The following NUAK1 variants were observed in gnomAD, a reference collection of about 807,000 sequenced individuals.
NUAK1 encodes NUAK family SNF1-like kinase 1.
A neutral mutation model predicts 56.9 loss-of-function variants in NUAK1; 26 were observed. The ratio of observed to expected loss-of-function variants is 0.46; its 90% CI spans 0.33 to 0.63. The LOEUF is 0.63. Among genes scored for constraint, NUAK1 ranks in the 30% least tolerant of loss-of-function variants. NUAK1 has a pLI of 0.02. For missense variants in NUAK1, 727 were observed against 876.1 expected (o/e 0.83, Z 2.15); for synonymous variants, 337 against 336.0 (o/e 1.00, Z -0.03).
At chr12:106,108,141 A>G (rs545819267) in intron 1 of NUAK1, among the ~76,000 whole-genome samples, 2 of 152,176 alleles carry the variant, frequency 1.3e-5, no homozygotes, top group Non-Finnish European at 2.9e-5. Context: ...AATTGATGCA[A>G]GCTCAGACCA....
chr12:106,085,904 G>T (rs557942769), intron 3 of NUAK1, among the ~76,000 whole-genome samples: 2 of 151,974 alleles, frequency 1.3e-5, no homozygotes, highest in Non-Finnish European at 2.9e-5. Flanking sequence ...GATGGATCTT[G>T]CTATGTTGCC....
chr12:106,105,697 T>G (rs910407662), intron 2 of NUAK1: 2 of 152,352 alleles, frequency 1.3e-5, no homozygotes, highest in Middle Eastern at 3.4e-3. Context: ...AGAAATTATT[T>G]TTTAATTTTA....
intron 2 of NUAK1, among the ~76,000 whole-genome samples, chr12:106,090,181 C>T (rs1285012344): frequency 6.6e-6 from 1 of 152,166 alleles, no homozygotes; most frequent in Admixed American, 6.5e-5. Flanking sequence ...CTCATTCTCT[C>T]AGGCAGGGCC....
rs2032308685 is a variant in NUAK1 at position 106,064,096 on chromosome 12, G to C, written c.*2706C>G. Reference sequence around the variant, plus strand: ...CAGGAAAGCTGACAGTGAATCTCCTGCTTTGTCCATCAGGTCCTAAAAGTG... The same window carrying C: ...CAGGAAAGCTGACAGTGAATCTCCTCCTTTGTCCATCAGGTCCTAAAAGTG... On this transcript the variant is annotated 3_prime_UTR_variant, in exon 7 of 7. Transcript: ENST00000261402. The C allele has an allele frequency of 6.5e-6, 1 of 152,676 alleles. No homozygotes were observed. The highest frequency in any genetic ancestry group is 2.4e-5 in the African/African-American group (1 of 41,462). The allele number at this position is 152,676 out of a possible 1,614,324, so 9.5% of individuals were successfully genotyped here.
chr12:106,095,698 T>C (rs1019536715), intron 2 of NUAK1, among the ~76,000 whole-genome samples: 3 of 152,224 alleles, frequency 2.0e-5, no homozygotes, highest in African/African-American at 7.2e-5. Context: ...CACCCAAGGC[T>C]GCATTTGAGA....
chr12:106,067,108 G>T lies in NUAK1; in HGVS notation c.1680C>A (p.Gly560=), dbSNP rs1301274551. The T allele has an allele frequency of 1.2e-6, 2 of 1,614,234 alleles. No homozygotes were observed. The highest frequency in any genetic ancestry group is 1.1e-5 in the South Asian group (1 of 91,080). Residue 560 remains glycine (G), a synonymous_variant, in exon 7 of 7, where the codon GGC becomes GGA. Transcript: ENST00000261402. The surrounding 1 kb of genome is among the most constrained non-coding windows in gnomAD (Gnocchi z 6.0). ...SLSEPGVPAE[G]LSRSYSRPSS... Reference sequence around the variant, plus strand: ...AAGGGCGGCTGTAGCTCCGGGAGAGGCCCTCGGCAGGGACACCAGGCTCTG... The same window carrying T: ...AAGGGCGGCTGTAGCTCCGGGAGAGTCCCTCGGCAGGGACACCAGGCTCTG...
intron 1 of NUAK1, among the ~76,000 whole-genome samples, chr12:106,117,075 C>G (rs998810669): frequency 1.3e-5 from 2 of 152,214 alleles, no homozygotes; most frequent in Non-Finnish European, 2.9e-5. Context: ...CCTCCCTGCC[C>G]AGCCCCTCCC....
rs779503263 is a variant in NUAK1, at chr12:106,138,664, G to A, written c.-11C>T. ...GGCGGCCCCTTCCATGTCCAAGCGC[G>A]GGGCGAGCCGGGCTACAGAGGGCAA... On this transcript the variant is annotated 5_prime_UTR_variant, in exon 1 of 7. Transcript: ENST00000261402. The surrounding 1 kb of genome is among the most constrained non-coding windows in gnomAD (Gnocchi z 5.0). 1.3e-6 allele frequency: 2 copies of A among 1,508,362 alleles called. No individual in the cohort carries two copies. The highest frequency in any genetic ancestry group is 1.8e-6 in the Non-Finnish European group (2 of 1,138,392). 93.4% of individuals were successfully genotyped at this position (1,508,362 alleles called of 1,614,324 possible).
chr12:106,121,068 T>C (rs2032969074), intron 1 of NUAK1, among the ~76,000 whole-genome samples: 1 of 152,152 alleles, frequency 6.6e-6, no homozygotes, highest in Non-Finnish European at 1.5e-5. Context: ...TTTGAAAAGA[T>C]CCCAGGTGAT....
intron 2 of NUAK1, among the ~76,000 whole-genome samples, chr12:106,102,500 T>C (rs899674503): frequency 1.3e-5 from 2 of 152,214 alleles, no homozygotes; most frequent in Non-Finnish European, 2.9e-5. Context: ...TCCATTTAAA[T>C]ATCCACCTGT....
intron 2 of NUAK1, among the ~76,000 whole-genome samples, chr12:106,103,826 T>C (rs1457360567): frequency 1.3e-5 from 2 of 152,196 alleles, no homozygotes; most frequent in African/African-American, 4.8e-5. Context: ...GATGATTCTA[T>C]AAGGGGCTTT....
At chr12:106,070,728 A>C (rs2032396642) in intron 6 of NUAK1, 46 bp downstream of exon 6, 1 of 1,610,304 alleles carries the variant, frequency 6.2e-7, no homozygotes. Flanking sequence ...GGGTAAGCAG[A>C]TCTCTCTCCC....
intron 1 of NUAK1, among the ~76,000 whole-genome samples, chr12:106,127,384 A>C (rs2033034119): frequency 6.6e-6 from 1 of 152,054 alleles, no homozygotes; most frequent in South Asian, 2.1e-4. Context: ...GACCAGGCTG[A>C]TCTAGAGCTC....
intron 4 of NUAK1, among the ~76,000 whole-genome samples, chr12:106,075,236 T>C (rs1352365078): frequency 6.6e-6 from 1 of 151,332 alleles, no homozygotes; most frequent in Non-Finnish European, 1.5e-5. Flanking sequence ...TTAATAGAAA[T>C]CTAGATTAGC....
chr12:106,137,579 A>G (rs2033141438), intron 1 of NUAK1, among the ~76,000 whole-genome samples: 1 of 152,248 alleles, frequency 6.6e-6, no homozygotes, highest in Non-Finnish European at 1.5e-5. Flanking sequence ...GGGACAAGGC[A>G]GACAGACCCC....
intron 1 of NUAK1, among the ~76,000 whole-genome samples, chr12:106,110,136 T>C (rs1365350582): frequency 6.6e-6 from 1 of 152,114 alleles, no homozygotes; most frequent in East Asian, 1.9e-4. Flanking sequence ...AGGATGAACA[T>C]CTTGAACCCA....
At chr12:106,111,634 C>T in intron 1 of NUAK1, among the ~76,000 whole-genome samples, 1 of 151,792 alleles carries the variant, frequency 6.6e-6, no homozygotes, top group Non-Finnish European at 1.5e-5. Flanking sequence ...GGGTATCCAG[C>T]CTGGGATTCT....
chr12:106,091,188 A>C (rs1270279882), intron 2 of NUAK1, among the ~76,000 whole-genome samples: 6 of 152,186 alleles, frequency 3.9e-5, no homozygotes, highest in East Asian at 1.9e-4. Context: ...ATTTTCCACC[A>C]GTTGGGAAGG....
intron 2 of NUAK1, among the ~76,000 whole-genome samples, chr12:106,102,680 T>A (rs1243233040): frequency 1.3e-5 from 2 of 152,154 alleles, no homozygotes; most frequent in African/African-American, 2.4e-5. Flanking sequence ...ACCAGATACA[T>A]GTATCATGCC....
Sources: gnomAD v4.1 joint callset for allele counts (sites outside exome capture counted in the v4.1 genomes callset) on GRCh38, gnomAD v4.1.1 for gene constraint, Gnocchi (gnomAD v3.1) non-coding constraint, MANE v1.5 for transcripts, NCBI Gene and HGNC (gene_info 2026-07-23, HGNC 2026-07-21) for gene names.